COA1: variants seen among roughly 807,000 people sequenced by gnomAD.
The protein encoded by COA1 is cytochrome c oxidase assembly factor 1, also known as cytochrome c oxidase assembly factor 1 homolog.
Under a neutral mutation model 16.0 loss-of-function variants are expected in COA1, and 13 were observed. The ratio of observed to expected loss-of-function variants is 0.81; its 90% CI spans 0.53 to 1.29. COA1 has a LOEUF of 1.29. COA1 is among the 50% of genes most tolerant of loss of function. The pLI, the probability that COA1 is intolerant of heterozygous loss-of-function variation, is 0.00. For synonymous variants in COA1, 65 were observed against 65.7 expected (o/e 0.99, Z 0.05); for missense variants, 179 against 177.0 (o/e 1.01, Z -0.06).
At chr7:43,670,839 ACT>A (rs1232528231) in intron 1 of COA1, among the ~76,000 whole-genome samples, 1 of 152,180 alleles carries the variant, frequency 6.6e-6, no homozygotes, top group African/African-American at 2.4e-5. Flanking sequence ...TACTGCCATA[ACT>A]CTGCAAGCTA....
intron 4 of COA1, among the ~76,000 whole-genome samples, chr7:43,644,126 G>C (rs1460516759): frequency 6.6e-6 from 1 of 152,058 alleles, no homozygotes; most frequent in Non-Finnish European, 1.5e-5. Flanking sequence ...CAGGCATGCT[G>C]CTCCTCAGCC....
intron 1 of COA1, among the ~76,000 whole-genome samples, chr7:43,714,765 T>A (rs1585398436): frequency 6.6e-6 from 1 of 152,144 alleles, no homozygotes; most frequent in South Asian, 2.1e-4. Flanking sequence ...CCCAGCACTT[T>A]GGGAAACCAA....
intron 1 of COA1, among the ~76,000 whole-genome samples, chr7:43,703,488 A>T (rs147130192): frequency 4.9e-4 from 74 of 152,304 alleles, no homozygotes; most frequent in African/African-American, 1.7e-3. Flanking sequence ...GTCTCTAAGA[A>T]TTTGTTTTAT....
intron 1 of COA1, chr7:43,649,277 C>T (rs2090263912): frequency 1.3e-5 from 2 of 152,218 alleles, no homozygotes; most frequent in African/African-American, 4.8e-5. Context: ...CAAAGGTGCA[C>T]TAATAAGTGA....
chr7:43,682,412 G>T (rs2130512388), intron 1 of COA1, among the ~76,000 whole-genome samples: 1 of 152,214 alleles, frequency 6.6e-6, no homozygotes, highest in Admixed American at 6.5e-5. Flanking sequence ...TTTTCAATAG[G>T]TACATTTTTT....
At position 43,640,604 on chromosome 7, in the gene COA1, C is replaced by A. The variant is rs148415494; in HGVS notation, c.310G>T (p.Val104Phe). ...SGSKSEGLLY[V>F]HSSRGGPFQR... ...AAGGGGCCACCTCTGGATGAGTGGA[C>A]GTAGAGAAGGCCCTCTGATTTGGAT... Residue 104 changes from valine (V) to phenylalanine (F), a missense_variant, in exon 5 of 6, where the codon GTC becomes TTC. Coordinates refer to ENST00000223336, the MANE Select transcript of COA1 (RefSeq NM_018224.4). 8.1e-6 allele frequency: 13 copies of A among 1,608,100 alleles called. No individual in the cohort carries two copies. In the Admixed American group the frequency reaches 1.9e-4, roughly 23 times the overall value.
At chr7:43,623,924 A>C in intron 6 of COA1, 1 of 1,301,796 alleles carries the variant, frequency 7.7e-7, no homozygotes, top group Non-Finnish European at 9.9e-7. Context: ...TATTGAACTA[A>C]TTCAATATTA....
At chr7:43,686,926 T>A (rs1051721100) in intron 1 of COA1, among the ~76,000 whole-genome samples, 2 of 152,214 alleles carry the variant, frequency 1.3e-5, no homozygotes, top group Admixed American at 6.5e-5. Context: ...GACTATTATA[T>A]CAAAGGAAAA....
chr7:43,691,323 A>G (rs1248291139), intron 1 of COA1, among the ~76,000 whole-genome samples: 24 of 102,646 alleles, frequency 2.3e-4, no homozygotes, highest in Non-Finnish European at 3.7e-4. Flanking sequence ...GAAAGAAAGA[A>G]AGAAAGAGAA....
At chr7:43,627,546 G>A (rs1477815953) in intron 6 of COA1, among the ~76,000 whole-genome samples, 5 of 152,162 alleles carry the variant, frequency 3.3e-5, no homozygotes, top group African/African-American at 1.2e-4. Context: ...AGCATCAGCA[G>A]ACTAATCCTA....
At chr7:43,636,895 C>T (rs2085967520), downstream of COA1, among the ~76,000 whole-genome samples, 1 of 152,172 alleles carries the variant, frequency 6.6e-6, no homozygotes. Context: ...CTTTGATGGC[C>T]ACAAATTGTA....
intron 1 of COA1, among the ~76,000 whole-genome samples, chr7:43,719,819 A>G (rs1488783585): frequency 6.6e-6 from 1 of 152,170 alleles, no homozygotes; most frequent in Admixed American, 6.6e-5. Context: ...CACCTCCTCC[A>G]ATCAAGGAGC....
In COA1 at chr7:43,640,635, G is replaced by C. The variant is rs765193246; in HGVS notation, c.279C>G (p.Val93=). The C allele has an allele frequency of 1.2e-5, 20 of 1,605,480 alleles. No individual in the cohort carries two copies. In the South Asian group the frequency reaches 2.1e-4, roughly 17 times the overall value. The change falls in exon 5 of 6, where the codon GTC becomes GTG. Residue 93 remains valine (V), a synonymous_variant. Coordinates refer to ENST00000223336, the MANE Select transcript of COA1 (RefSeq NM_018224.4). ...DIVDAKLKIP[V]SGSKSEGLLY... ...GAAGGCCCTCTGATTTGGATCCAGA[G>C]ACAGGAATCTTCAACTGTGGGTGTA...
chr7:43,674,968 TAC>T (rs982268231), intron 1 of COA1, among the ~76,000 whole-genome samples: 3 of 152,226 alleles, frequency 2.0e-5, no homozygotes, highest in African/African-American at 7.2e-5. Context: ...CAACAGATAT[TAC>T]ACTTTGTGTT....
chr7:43,624,503 C>T, intron 6 of COA1: 1 of 1,591,400 alleles, frequency 6.3e-7, no homozygotes. Flanking sequence ...AACTGTAAAA[C>T]ATGTATCTTT....
Position 43,682,192 on chromosome 7 carries a change from C to T in COA1, c.-38-33540G>A, listed in dbSNP as rs565020178. Among the ~76,000 whole-genome samples, 8 of 152,318 alleles carry T rather than the reference C, an allele frequency of 5.3e-5. No homozygotes were observed. The South Asian group carries it at 1.2e-3, about 24-fold the overall frequency. Reference sequence around the variant, plus strand: ...AAAGCCTCTTCCTACCCACTTCCCACGTTAATCTCCTGTTTTAGAAGTCAA... The same window carrying T: ...AAAGCCTCTTCCTACCCACTTCCCATGTTAATCTCCTGTTTTAGAAGTCAA... On this transcript the variant is annotated intron_variant, in intron 1 of 5. Coordinates refer to ENST00000223336, the MANE Select transcript of COA1 (RefSeq NM_018224.4).
At chr7:43,636,206 G>T (rs745477546), downstream of COA1, among the ~76,000 whole-genome samples, 6 of 152,154 alleles carry the variant, frequency 3.9e-5, no homozygotes, top group African/African-American at 7.2e-5. Flanking sequence ...ACACATTCCT[G>T]ACAGTGCTTT....
Position 43,654,896 on chromosome 7 carries a change from C to G in COA1, c.-38-6244G>C, listed in dbSNP as rs192288377. Among the ~76,000 whole-genome samples, 104 of 152,244 alleles carry G rather than the reference C, an allele frequency of 6.8e-4. 1 individual carries two copies. Among genetic ancestry groups the G allele is most frequent in the Admixed American group, 1.4e-3 (22 of 15,296 alleles). On this transcript the variant is annotated intron_variant, in intron 1 of 5. Transcript: ENST00000223336. Reference sequence around the variant, plus strand: ...GCCTTAGGCTTCTTCTCTGTAACTACAAATTCCTGAGAATAAAGGCCCAAC... The same window carrying G: ...GCCTTAGGCTTCTTCTCTGTAACTAGAAATTCCTGAGAATAAAGGCCCAAC...
intron 1 of COA1, chr7:43,650,837 G>GA (rs2090616392): frequency 6.7e-6 from 1 of 148,494 alleles, no homozygotes; most frequent in Admixed American, 6.7e-5. Context: ...AAAAACAGAA[G>GA]AATTATTTTA....
Sources: allele counts gnomAD v4.1 joint callset (sites outside exome capture counted in the v4.1 genomes callset), GRCh38; gene constraint gnomAD v4.1.1; transcripts MANE v1.5; gene names NCBI Gene and HGNC (gene_info 2026-07-23, HGNC 2026-07-21).